The following GRIK3 variants were observed in gnomAD, a reference collection of about 807,000 sequenced individuals.
GRIK3 encodes glutamate receptor ionotropic, kainate 3.
GRIK3 carries 29 observed loss-of-function variants against 102.5 expected under a neutral mutation model. The observed-to-expected ratio is 0.28, with a 90% CI of 0.21 to 0.39. The LOEUF (loss-of-function observed/expected upper bound fraction) is 0.39, where lower values mean the gene tolerates loss of function less well. Ranked by LOEUF, GRIK3 falls within the 10% of genes least tolerant of loss-of-function variation. GRIK3 has a pLI of 1.00. For synonymous variants in GRIK3, 511 were observed against 504.9 expected, an observed-to-expected ratio of 1.01 and a Z score of -0.16; for missense variants, 908 against 1,252.4, an observed-to-expected ratio of 0.73 and a Z score of 4.15.
Position 36,876,869 on chromosome 1 carries a change from A to G in GRIK3, c.550+3765T>C, listed in dbSNP as rs148132789. 2.9e-3 allele frequency among the ~76,000 whole-genome samples: 443 copies of G among 152,342 alleles called. 2 individuals are homozygous for G. The highest frequency in any genetic ancestry group is 0.017 in the Middle Eastern group (5 of 294). On this transcript the variant is annotated intron_variant, in intron 3 of 15. Coordinates refer to ENST00000373091, the MANE Select transcript of GRIK3 (RefSeq NM_000831.4). ...ACCCATTGACTCCCCTATGTTTTAA[A>G]TATTTGTTGAACTGAATTGAGTTGA...
intron 10 of GRIK3, among the ~76,000 whole-genome samples, chr1:36,836,289 T>C (rs751600446): frequency 3.3e-5 from 5 of 152,194 alleles, no homozygotes; most frequent in Non-Finnish European, 5.9e-5. Flanking sequence ...AAGGCCCTCC[T>C]CTCACACACC....
At chr1:36,979,805 G>C (rs996274798) in intron 1 of GRIK3, among the ~76,000 whole-genome samples, 13 of 152,254 alleles carry the variant, frequency 8.5e-5, no homozygotes, top group African/African-American at 3.1e-4. Context: ...AGAGGATGTG[G>C]ATGGAGGGAG....
chr1:36,933,869 C>T (rs1314265441), intron 1 of GRIK3, among the ~76,000 whole-genome samples: 2 of 152,184 alleles, frequency 1.3e-5, no homozygotes, highest in Non-Finnish European at 2.9e-5. Context: ...TCTCTTCGAC[C>T]TTCTGCTTTT....
intron 5 of GRIK3, among the ~76,000 whole-genome samples, chr1:36,861,147 G>A (rs777542930): frequency 2.7e-4 from 41 of 152,290 alleles, no homozygotes; most frequent in South Asian, 1.0e-3. Flanking sequence ...TTCCTCAAAT[G>A]CTCCTTGAGT....
intron 9 of GRIK3, among the ~76,000 whole-genome samples, chr1:36,842,298 C>T (rs879690829): frequency 2.1e-4 from 32 of 152,200 alleles, no homozygotes; most frequent in Non-Finnish European, 1.2e-4. Context: ...GTCCCTGCAC[C>T]TGCAGCATCA....
rs764414774 is a variant in GRIK3 at position 36,801,837 on chromosome 1, C to T, written c.*14G>A. 1.3e-6 allele frequency: 2 copies of T among 1,581,202 alleles called. No homozygotes were observed. The highest frequency in any genetic ancestry group is 8.6e-7 in the Non-Finnish European group (1 of 1,162,096). On this transcript the variant is annotated 3_prime_UTR_variant, in exon 16 of 16. Coordinates refer to ENST00000373091, the MANE Select transcript of GRIK3 (RefSeq NM_000831.4). ...GCCCAGCCCCCAGGCCTGAGGTCCC[C>T]ACCCCAGCTGTGCCTAGGGGAACAC...
chr1:36,830,544 T>C (rs140612723), intron 10 of GRIK3, among the ~76,000 whole-genome samples: 2,722 of 152,206 alleles, frequency 0.018, 89 homozygotes, highest in African/African-American at 0.062. Flanking sequence ...GCGCAGTGGC[T>C]CATGCCTGTA....
At chr1:36,831,907 G>A (rs1459111076) in intron 10 of GRIK3, among the ~76,000 whole-genome samples, 1 of 152,078 alleles carries the variant, frequency 6.6e-6, no homozygotes, top group Non-Finnish European at 1.5e-5. Context: ...TCTGATCCAT[G>A]TTCATCCAGC....
chr1:36,812,263 C>T (rs778172253), intron 13 of GRIK3, among the ~76,000 whole-genome samples: 10 of 152,070 alleles, frequency 6.6e-5, no homozygotes, highest in Non-Finnish European at 1.2e-4. Flanking sequence ...AGGGGGATGG[C>T]CTGACAATGA....
At chr1:36,873,084 A>G (rs1557709760) in intron 3 of GRIK3, among the ~76,000 whole-genome samples, 1 of 151,610 alleles carries the variant, frequency 6.6e-6, no homozygotes, top group Non-Finnish European at 1.5e-5. Flanking sequence ...CTCTCCTCCA[A>G]CTCAGTGGCC....
intron 1 of GRIK3, among the ~76,000 whole-genome samples, chr1:37,028,675 A>C (rs1642789458): frequency 6.6e-6 from 1 of 152,172 alleles, no homozygotes; most frequent in South Asian, 2.1e-4. Context: ...TCAGCCCCTT[A>C]AAAACTGTTT....
rs999347057 is a variant in GRIK3 at position 36,798,510 on chromosome 1, C to T, written c.*3341G>A. On this transcript the variant is annotated 3_prime_UTR_variant, in exon 16 of 16. Transcript: ENST00000373091. ...ACACACACGCATGCACCTGCCCCAG[C>T]TCAGCTCCATGCCCACTGGCAGGAC... 9 of 152,392 alleles carry T rather than the reference C, an allele frequency of 5.9e-5. No individual in the cohort carries two copies. Among genetic ancestry groups the T allele is most frequent in the Non-Finnish European group, 1.0e-4 (7 of 68,148 alleles). 9.4% of individuals were successfully genotyped at this position (152,392 alleles called of 1,614,324 possible). A position where few individuals can be genotyped will look rare whatever the true frequency, so the allele number is the denominator to read the frequency against.
At chr1:36,926,258 A>C (rs574664554) in intron 1 of GRIK3, among the ~76,000 whole-genome samples, 5 of 152,204 alleles carry the variant, frequency 3.3e-5, no homozygotes, top group Non-Finnish European at 5.9e-5. Flanking sequence ...ACCACAAAGC[A>C]GGTGGGAGGG....
At chr1:36,856,240 CT>C (rs1640649911) in intron 7 of GRIK3, among the ~76,000 whole-genome samples, 1 of 152,218 alleles carries the variant, frequency 6.6e-6, no homozygotes. Flanking sequence ...CAGCAGGTGC[CT>C]TCAAACCTGC....
intron 13 of GRIK3, among the ~76,000 whole-genome samples, chr1:36,814,217 A>C (rs1274057716): frequency 1.3e-5 from 2 of 152,150 alleles, no homozygotes; most frequent in Non-Finnish European, 2.9e-5. Context: ...GCATCTTAGC[A>C]TGGAGGGAGG....
chr1:36,953,689 T>C (rs552490392), intron 1 of GRIK3, among the ~76,000 whole-genome samples: 15 of 151,952 alleles, frequency 9.9e-5, no homozygotes, highest in African/African-American at 3.4e-4. Flanking sequence ...CCCCACAGGT[T>C]TCCAGCTCAC....
At chr1:36,837,599 T>C (rs1018743269) in intron 10 of GRIK3, among the ~76,000 whole-genome samples, 1 of 152,124 alleles carries the variant, frequency 6.6e-6, no homozygotes, top group African/African-American at 2.4e-5. Context: ...CAAGTCGATG[T>C]CACCCCCTGG....
chr1:36,915,807 G>A (rs1177020918), intron 1 of GRIK3, among the ~76,000 whole-genome samples: 4 of 152,116 alleles, frequency 2.6e-5, no homozygotes, highest in Non-Finnish European at 5.9e-5. Context: ...TGCATTAAAC[G>A]TCTTTCTTCT....
intron 1 of GRIK3, among the ~76,000 whole-genome samples, chr1:36,922,985 G>A (rs187025318): frequency 5.4e-4 from 82 of 152,216 alleles, no homozygotes; most frequent in Non-Finnish European, 9.1e-4. Context: ...GCTGGCCAGC[G>A]GCACCCCCAG....
Sources: allele counts gnomAD v4.1 joint callset (sites outside exome capture counted in the v4.1 genomes callset), GRCh38; gene constraint gnomAD v4.1.1; transcripts MANE v1.5; gene names NCBI Gene and HGNC (gene_info 2026-07-23, HGNC 2026-07-21).